TRUB1: variants seen among roughly 807,000 people sequenced by gnomAD.
TRUB1 encodes the protein TruB pseudouridine synthase family member 1.
Under a neutral mutation model 33.9 loss-of-function variants are expected in TRUB1, and 23 were observed. That is an observed-to-expected ratio of 0.68 (90% CI 0.49 to 0.96). TRUB1 has a LOEUF of 0.96. Ranked by LOEUF, TRUB1 falls within the 40% of genes least tolerant of loss-of-function variation. TRUB1 has a pLI of 0.00. For missense variants in TRUB1, 378 were observed against 422.2 expected (o/e 0.90, Z 0.92); for synonymous variants, 163 against 165.4 (o/e 0.99, Z 0.11).
At chr10:114,975,097 T>G in intron 7 of TRUB1, 26 bp from the exon 8 acceptor site, 1 of 1,587,834 alleles carries the variant, frequency 6.3e-7, no homozygotes, top group Admixed American at 1.8e-5. Flanking sequence ...TCTTCTGGAT[T>G]TTTTTTCTAC....
At chr10:114,950,359 T>C (rs114213890) in intron 2 of TRUB1, among the ~76,000 whole-genome samples, 1,534 of 152,316 alleles carry the variant, frequency 0.01, 24 homozygotes, top group African/African-American at 0.036. Flanking sequence ...TAATTCTGAA[T>C]TGTGGTGATT....
intron 3 of TRUB1, among the ~76,000 whole-genome samples, chr10:114,952,086 CTTA>C (rs987148228): frequency 8.5e-5 from 13 of 152,232 alleles, no homozygotes; most frequent in Admixed American, 2.6e-4. Context: ...ATTTTCTGAA[CTTA>C]TTATAGATAA....
intron 4 of TRUB1, chr10:114,960,046 T>G (rs2084279010): frequency 2.4e-6 from 1 of 422,356 alleles, no homozygotes; most frequent in Admixed American, 4.6e-5. Context: ...TTCAGAATTA[T>G]TCTTCCAAAT....
At chr10:114,951,811 G>T (rs1488557562) in intron 3 of TRUB1, among the ~76,000 whole-genome samples, 2 of 152,188 alleles carry the variant, frequency 1.3e-5, no homozygotes, top group African/African-American at 4.8e-5. Context: ...AAGGGTCAAT[G>T]AAAATGCACG....
rs1452603370 is a variant in TRUB1, at chr10:114,975,456, C to T, written c.*77C>T. On this transcript the variant is annotated 3_prime_UTR_variant, in exon 8 of 8. Coordinates refer to ENST00000298746, the MANE Select transcript of TRUB1 (RefSeq NM_139169.5). ...CAGATGCAGAATGACAAGCTGCATT[C>T]AAAAGACAAACAATATGTCTTTTTT... is the stretch of plus-strand genomic sequence containing the variant. 3 of 1,299,790 alleles carry T rather than the reference C, an allele frequency of 2.3e-6. No homozygotes were observed. Among genetic ancestry groups the T allele is most frequent in the Non-Finnish European group, 3.1e-6 (3 of 976,876 alleles). 80.5% of individuals were successfully genotyped at this position (1,299,790 alleles called of 1,614,324 possible).
chr10:114,948,924 C>G (rs900567311), intron 2 of TRUB1, among the ~76,000 whole-genome samples: 1 of 152,200 alleles, frequency 6.6e-6, no homozygotes, highest in African/African-American at 2.4e-5. Context: ...TCTCTTCTCT[C>G]TGTTGTGTTC....
chr10:114,970,577 TG>T, intron 5 of TRUB1, 137 bp downstream of exon 5: 1 of 693,608 alleles, frequency 1.4e-6, no homozygotes, highest in Non-Finnish European at 2.5e-6. Flanking sequence ...AATGTTAAAG[TG>T]AAGGTGAGAC....
Position 114,977,190 on chromosome 10 carries a change from C to T in TRUB1, c.*1811C>T, listed in dbSNP as rs1308485910. On this transcript the variant is annotated 3_prime_UTR_variant, in exon 8 of 8. Transcript: ENST00000298746. ...GAAGTTTTGCCAAATGGGAAAATTA[C>T]TGTTACCTCTACCATCTTAATGTAG... is the stretch of plus-strand genomic sequence containing the variant. 6.6e-6 allele frequency: 1 copy of T among 152,106 alleles called. No individual in the cohort carries two copies. Among genetic ancestry groups the T allele is most frequent in the Non-Finnish European group, 1.5e-5 (1 of 67,986 alleles). The allele number at this position is 152,106 out of a possible 1,614,324, so 9.4% of individuals were successfully genotyped here. A position where few individuals can be genotyped will look rare whatever the true frequency, so the allele number is the denominator to read the frequency against.
chr10:114,971,221 C>T (rs2084335420), intron 5 of TRUB1, among the ~76,000 whole-genome samples: 1 of 152,152 alleles, frequency 6.6e-6, no homozygotes, highest in Non-Finnish European at 1.5e-5. Flanking sequence ...CCAGAAGACC[C>T]TACCTCCTAA....
At chr10:114,955,101 A>G (rs1357777469) in intron 3 of TRUB1, among the ~76,000 whole-genome samples, 1 of 152,218 alleles carries the variant, frequency 6.6e-6, no homozygotes, top group Non-Finnish European at 1.5e-5. Context: ...TAGTTTTACA[A>G]CAGATGTAGA....
intron 3 of TRUB1, among the ~76,000 whole-genome samples, chr10:114,955,505 T>C (rs1564699235): frequency 6.6e-6 from 1 of 152,198 alleles, no homozygotes; most frequent in Non-Finnish European, 1.5e-5. Flanking sequence ...AGGTAAACCA[T>C]AGTGGCACCT....
chr10:114,959,689 T>G, intron 3 of TRUB1, 37 bp from the exon 4 acceptor site: 1 of 1,419,250 alleles, frequency 7.0e-7, no homozygotes, highest in Non-Finnish European at 1.0e-6. Flanking sequence ...TTTGTTTGCC[T>G]CACGGCCCAT....
At chr10:114,944,614 G>A (rs1270622898) in intron 2 of TRUB1, among the ~76,000 whole-genome samples, 1 of 151,902 alleles carries the variant, frequency 6.6e-6, no homozygotes, top group African/African-American at 2.4e-5. Context: ...ATCTGAGATC[G>A]CGCCACTGCA....
chr10:114,959,698 A>C (rs372390765), intron 3 of TRUB1, 28 bp from the exon 4 acceptor site: 1 of 1,524,802 alleles, frequency 6.6e-7, no homozygotes, highest in Admixed American at 1.7e-5. Context: ...CTCACGGCCC[A>C]TTTTCTCTCT....
intron 1 of TRUB1, among the ~76,000 whole-genome samples, chr10:114,939,825 TC>T (rs148697725): frequency 0.25 from 20,452 of 81,984 alleles, 3,398 homozygotes; most frequent in African/African-American, 0.49. Flanking sequence ...GGGTTTCTTT[TC>T]TTTTTTTTTT....
rs537352130 is a variant in TRUB1, at chr10:114,976,842, T to G, written c.*1463T>G. On this transcript the variant is annotated 3_prime_UTR_variant, in exon 8 of 8. Coordinates refer to ENST00000298746, the MANE Select transcript of TRUB1 (RefSeq NM_139169.5). ...AAAAGAGTGTTAATACCATGATGCA[T>G]TAACATAAAATATCAAACACACAAA... 6.6e-6 allele frequency: 1 copy of G among 152,210 alleles called. No homozygotes were observed. Among genetic ancestry groups the G allele is most frequent in the East Asian group, 1.9e-4 (1 of 5,178 alleles). 9.4% of individuals were successfully genotyped at this position (152,210 alleles called of 1,614,324 possible).
chr10:114,970,607 C>T (rs1251729318), intron 5 of TRUB1, among the ~76,000 whole-genome samples, 167 bp downstream of exon 5: 2 of 152,214 alleles, frequency 1.3e-5, no homozygotes, highest in Non-Finnish European at 2.9e-5. Flanking sequence ...GAGCTTTTGA[C>T]ACTCTAAGAG....
chr10:114,972,419 C>T (rs2084341177), intron 6 of TRUB1, 145 bp downstream of exon 6: 2 of 946,898 alleles, frequency 2.1e-6, no homozygotes, highest in African/African-American at 1.7e-5. Flanking sequence ...TTCTTTATAC[C>T]TTTTTTGGTA....
At chr10:114,939,821 C>CTTTTTTTTTT (rs199856592) in intron 1 of TRUB1, among the ~76,000 whole-genome samples, 3 of 103,486 alleles carry the variant, frequency 2.9e-5, no homozygotes, top group African/African-American at 1.3e-4. Context: ...CTCTGGGTTT[C>CTTTTTTTTTT]TTTTCTTTTT....
Sources: allele counts gnomAD v4.1 joint callset (sites outside exome capture counted in the v4.1 genomes callset), GRCh38; gene constraint gnomAD v4.1.1; transcripts MANE v1.5; gene names NCBI Gene and HGNC (gene_info 2026-07-23, HGNC 2026-07-21).